Variants in DNAJB14 observed in about 807,000 individuals in gnomAD.
DNAJB14 encodes dnaJ homolog subfamily B member 14.
In DNAJB14, 22 loss-of-function variants were observed where a neutral mutation model predicts 48.4. The observed-to-expected ratio is 0.45, with a 90% confidence interval of 0.32 to 0.65. The LOEUF is 0.65. DNAJB14 is among the 30% of genes least tolerant of loss of function. The pLI is 0.03. For synonymous variants in DNAJB14, 142 were observed against 158.7 expected (o/e 0.89, Z 0.79); for missense variants, 319 against 458.8 (o/e 0.70, Z 2.78).
intron 2 of DNAJB14, chr4:99,926,442 T>C (rs1429404810): frequency 1.2e-4 from 19 of 152,246 alleles, no homozygotes; most frequent in Non-Finnish European, 7.4e-5. Flanking sequence ...AAGCAGTTAA[T>C]AGAAGTGAAA....
In DNAJB14 at chr4:99,899,656, C is replaced by T. The variant is rs766550258; in HGVS notation, c.*1372G>A. On this transcript the variant is annotated 3_prime_UTR_variant, in exon 8 of 8. Coordinates refer to ENST00000442697, the MANE Select transcript of DNAJB14 (RefSeq NM_001031723.4). ...ACCCTATCTAGCATTCTCTCACTCA[C>T]AAAGAAGTATCAAAGATATGTTTAT... The T allele has an allele frequency of 5.9e-5, 9 of 152,366 alleles. No homozygotes were observed. The highest frequency in any genetic ancestry group is 3.3e-4 in the Admixed American group (5 of 15,254). 9.4% of individuals were successfully genotyped at this position (152,366 alleles called of 1,614,324 possible).
intron 1 of DNAJB14, among the ~76,000 whole-genome samples, chr4:99,939,217 C>G (rs915776308): frequency 6.6e-6 from 1 of 152,148 alleles, no homozygotes; most frequent in Non-Finnish European, 1.5e-5. Context: ...CAAAAATTAC[C>G]TGGACATGGT....
chr4:99,908,918 G>C (rs376244024), intron 3 of DNAJB14, 22 bp from the exon 4 acceptor site: 1 of 1,488,152 alleles, frequency 6.7e-7, no homozygotes, highest in Non-Finnish European at 8.9e-7. Context: ...ATGAGTAAAA[G>C]TTGGTAAGCA....
At chr4:99,917,566 G>C (rs1288768088) in intron 3 of DNAJB14, among the ~76,000 whole-genome samples, 1 of 152,190 alleles carries the variant, frequency 6.6e-6, no homozygotes, top group Non-Finnish European at 1.5e-5. Flanking sequence ...TAATACCAGA[G>C]TACCATGTTC....
In DNAJB14 at chr4:99,897,396, T is replaced by A. The variant is rs945853112; in HGVS notation, c.*3632A>T. 15 of 151,758 alleles carry A rather than the reference T, an allele frequency of 9.9e-5. No individual in the cohort carries two copies. The highest frequency in any genetic ancestry group is 2.2e-4 in the Non-Finnish European group (15 of 67,834). The allele number at this position is 151,758 out of a possible 1,614,324, so 9.4% of individuals were successfully genotyped here. A position where few individuals can be genotyped will look rare whatever the true frequency, so the allele number is the denominator to read the frequency against. On this transcript the variant is annotated 3_prime_UTR_variant, in exon 8 of 8. Coordinates refer to ENST00000442697, the MANE Select transcript of DNAJB14 (RefSeq NM_001031723.4). ...ATAAGGAGTATGTTTTGAATTAATG[T>A]TTTGAGGAAAAGTGTTTCCATTTAT...
intron 1 of DNAJB14, among the ~76,000 whole-genome samples, chr4:99,938,866 G>A (rs1726787339): frequency 6.6e-6 from 1 of 151,966 alleles, no homozygotes; most frequent in Non-Finnish European, 1.5e-5. Flanking sequence ...GAATGAAAAG[G>A]AATAGCCTCC....
rs1398774837 is a variant in DNAJB14, at chr4:99,898,016, A to G, written c.*3012T>C. 1 of 152,024 alleles carries G rather than the reference A, an allele frequency of 6.6e-6. No individual in the cohort carries two copies. The highest frequency in any genetic ancestry group is 2.4e-5 in the African/African-American group (1 of 41,442). The allele number at this position is 152,024 out of a possible 1,614,324, so 9.4% of individuals were successfully genotyped here. On this transcript the variant is annotated 3_prime_UTR_variant, in exon 8 of 8. Transcript: ENST00000442697. ...TAGGAATCCATTAAGTAACATTAGCATGTCATGTGTTAAATAGCTTCATTT... is the reference window on the plus strand; with the variant it reads ...TAGGAATCCATTAAGTAACATTAGCGTGTCATGTGTTAAATAGCTTCATTT...
intron 3 of DNAJB14, among the ~76,000 whole-genome samples, chr4:99,914,033 G>C (rs1388503875): frequency 6.6e-6 from 1 of 152,066 alleles, no homozygotes; most frequent in Admixed American, 6.6e-5. Context: ...AAACCTGAGG[G>C]GTGTCCTGGC....
intron 3 of DNAJB14, among the ~76,000 whole-genome samples, chr4:99,912,061 T>C (rs1433828498): frequency 6.6e-6 from 1 of 152,224 alleles, no homozygotes; most frequent in East Asian, 1.9e-4. Flanking sequence ...TAAGGGATGA[T>C]ACTTTTCGTC....
In DNAJB14 at chr4:99,899,848, A is replaced by T. The variant is rs1725239467; in HGVS notation, c.*1180T>A. ...TCATGGATTTACTTACAAGGAGCTT[A>T]TTCCTATGGGATTAATTCAATTACT... On this transcript the variant is annotated 3_prime_UTR_variant, in exon 8 of 8. Coordinates refer to ENST00000442697, the MANE Select transcript of DNAJB14 (RefSeq NM_001031723.4). 6.6e-6 allele frequency: 1 copy of T among 151,924 alleles called. No homozygotes were observed. Among genetic ancestry groups the T allele is most frequent in the Non-Finnish European group, 1.5e-5 (1 of 67,756 alleles). 9.4% of individuals were successfully genotyped at this position (151,924 alleles called of 1,614,324 possible).
At chr4:99,944,572 CTTTT>C (rs529320514) in intron 1 of DNAJB14, among the ~76,000 whole-genome samples, 9 of 141,050 alleles carry the variant, frequency 6.4e-5, no homozygotes, top group African/African-American at 2.1e-4. Flanking sequence ...TTTTTTTGGT[CTTTT>C]TTTTTTTGTT....
At chr4:99,909,035 G>T in intron 3 of DNAJB14, 139 bp from the exon 4 acceptor site, 2 of 530,056 alleles carry the variant, frequency 3.8e-6, no homozygotes, top group East Asian at 3.4e-5. Flanking sequence ...TTCTTTTAAA[G>T]ATATACATTG....
chr4:99,919,385 C>A (rs1725970307), intron 3 of DNAJB14, among the ~76,000 whole-genome samples: 1 of 152,054 alleles, frequency 6.6e-6, no homozygotes, highest in Non-Finnish European at 1.5e-5. Context: ...GAGTTCAAGA[C>A]CAGCCTGGCC....
intron 1 of DNAJB14, among the ~76,000 whole-genome samples, chr4:99,944,613 G>A (rs1331763977): frequency 6.7e-6 from 1 of 148,686 alleles, no homozygotes; most frequent in Non-Finnish European, 1.5e-5. Flanking sequence ...TCGCTGTGTC[G>A]CCCAGGCTGG....
At chr4:99,908,943 T>G (rs906917896) in intron 3 of DNAJB14, 47 bp from the exon 4 acceptor site, 1 of 1,355,130 alleles carries the variant, frequency 7.4e-7, no homozygotes, top group Non-Finnish European at 9.8e-7. Flanking sequence ...TTTTATATTA[T>G]AAAAGGCTGC....
chr4:99,928,837 C>T (rs1034484964), intron 2 of DNAJB14: 1 of 154,042 alleles, frequency 6.5e-6, no homozygotes, highest in Non-Finnish European at 1.4e-5. Context: ...TAAGCAAATA[C>T]AATTTGTTTT....
At chr4:99,908,921 G>C in intron 3 of DNAJB14, 25 bp from the exon 4 acceptor site, 3 of 1,458,578 alleles carry the variant, frequency 2.1e-6, no homozygotes, top group Non-Finnish European at 2.7e-6. Flanking sequence ...AGTAAAAGTT[G>C]GTAAGCAAAG....
intron 2 of DNAJB14, chr4:99,926,453 C>T (rs1477439222): frequency 2.0e-5 from 3 of 152,116 alleles, no homozygotes; most frequent in Middle Eastern, 3.1e-3. Context: ...AGAAGTGAAA[C>T]AGACTGTGAG....
At chr4:99,906,460 T>C (rs919092813) in intron 5 of DNAJB14, 57 bp downstream of exon 5, 40 of 1,517,670 alleles carry the variant, frequency 2.6e-5, no homozygotes, top group Admixed American at 3.4e-5. Flanking sequence ...CAGACAACTC[T>C]AATTACTTTT....
Sources: gnomAD v4.1 joint callset for allele counts (sites outside exome capture counted in the v4.1 genomes callset) on GRCh38, gnomAD v4.1.1 for gene constraint, MANE v1.5 for transcripts, NCBI Gene and HGNC (gene_info 2026-07-23, HGNC 2026-07-21) for gene names.